The following LHFPL3 variants were observed in gnomAD, a reference collection of about 807,000 sequenced individuals.
LHFPL3 encodes LHFPL tetraspan subfamily member 3, also known as LHFPL tetraspan subfamily member 3 protein.
LHFPL3 carries 5 observed loss-of-function variants against 19.3 expected under a neutral mutation model. The ratio of observed to expected loss-of-function variants is 0.26; its 90% CI spans 0.14 to 0.54. The LOEUF is 0.54. Ranked by LOEUF, LHFPL3 falls within the 20% of genes least tolerant of loss-of-function variation. The pLI, the probability that LHFPL3 is intolerant of heterozygous loss-of-function variation, is 0.94. For synonymous variants in LHFPL3, 133 were observed against 126.2 expected (o/e 1.05, Z -0.36); for missense variants, 249 against 307.4 (o/e 0.81, Z 1.42).
At chr7:104,789,293 A>C (rs1364052241) in intron 2 of LHFPL3, among the ~76,000 whole-genome samples, 1 of 151,888 alleles carries the variant, frequency 6.6e-6, no homozygotes, top group East Asian at 1.9e-4. Context: ...TGATAAGTAC[A>C]TGGTGTTCTT....
At chr7:104,756,952 T>C (rs979975918) in intron 2 of LHFPL3, among the ~76,000 whole-genome samples, 8 of 152,234 alleles carry the variant, frequency 5.3e-5, no homozygotes, top group African/African-American at 1.9e-4. Flanking sequence ...GTGCCTTTAA[T>C]ATTTTTTAAA....
intron 2 of LHFPL3, among the ~76,000 whole-genome samples, chr7:104,753,737 T>G (rs1794222105): frequency 6.6e-6 from 1 of 151,856 alleles, no homozygotes; most frequent in Non-Finnish European, 1.5e-5. Flanking sequence ...AATGAGCAGA[T>G]TATGAATAGG....
chr7:104,811,328 G>A (rs1427617175), intron 2 of LHFPL3, among the ~76,000 whole-genome samples: 1 of 152,048 alleles, frequency 6.6e-6, no homozygotes, highest in Non-Finnish European at 1.5e-5. Flanking sequence ...CCTAGTAGCT[G>A]GAACTACAGG....
chr7:104,734,815 T>G (rs1209146752), intron 1 of LHFPL3, among the ~76,000 whole-genome samples: 1 of 152,212 alleles, frequency 6.6e-6, no homozygotes, highest in Non-Finnish European at 1.5e-5. Context: ...AATTTTCAGT[T>G]TTTCTGTTCT....
intron 1 of LHFPL3, chr7:104,668,052 A>C: frequency 3.1e-6 from 5 of 1,613,778 alleles, no homozygotes; most frequent in Non-Finnish European, 4.2e-6. Flanking sequence ...TTTTCTAGGA[A>C]ACCTACCCTA....
intron 1 of LHFPL3, among the ~76,000 whole-genome samples, chr7:104,601,384 A>G (rs1217364212): frequency 6.6e-6 from 1 of 152,204 alleles, no homozygotes; most frequent in Non-Finnish European, 1.5e-5. Context: ...ACCTCCATGT[A>G]CCAAATGTGT....
intron 1 of LHFPL3, among the ~76,000 whole-genome samples, chr7:104,356,501 A>G (rs1009783944): frequency 1.5e-4 from 23 of 152,328 alleles, no homozygotes; most frequent in African/African-American, 4.8e-4. Flanking sequence ...CATGGCAGCT[A>G]CAGGGTGCAA....
At position 104,547,841 on chromosome 7, in the gene LHFPL3, G is replaced by A. The variant is rs76726834; in HGVS notation, c.446-188834G>A. Among the ~76,000 whole-genome samples, 605 of 152,214 alleles carry A rather than the reference G, an allele frequency of 4.0e-3. 3 individuals carry two copies. Among genetic ancestry groups the A allele is most frequent in the African/African-American group, 0.014 (571 of 41,544 alleles). On this transcript the variant is annotated intron_variant, in intron 1 of 2. Coordinates refer to ENST00000424859, the MANE Select transcript of LHFPL3 (RefSeq NM_199000.3). ...TTTGGCCATTCCCACCTCAGTTTTC[G>A]TTTACATCAAATGTGTCTAGTGAAA...
chr7:104,337,036 T>C (rs1789823720), intron 1 of LHFPL3, among the ~76,000 whole-genome samples: 1 of 152,224 alleles, frequency 6.6e-6, no homozygotes, highest in Non-Finnish European at 1.5e-5. Flanking sequence ...TTTTAAGTGT[T>C]TGTAGACTCC....
intron 1 of LHFPL3, among the ~76,000 whole-genome samples, chr7:104,590,678 C>G (rs993161319): frequency 5.9e-5 from 9 of 152,174 alleles, no homozygotes; most frequent in African/African-American, 2.2e-4. Context: ...TGTTAACTTT[C>G]TGTCTCATTG....
At chr7:104,840,978 C>T (rs961493213) in intron 2 of LHFPL3, among the ~76,000 whole-genome samples, 3 of 152,000 alleles carry the variant, frequency 2.0e-5, no homozygotes, top group Non-Finnish European at 4.4e-5. Context: ...AGTTGAGCCG[C>T]CATGATGAGT....
chr7:104,867,566 T>A (rs1791751204), intron 2 of LHFPL3, among the ~76,000 whole-genome samples: 1 of 152,112 alleles, frequency 6.6e-6, no homozygotes, highest in African/African-American at 2.4e-5. Context: ...TAACAGACTC[T>A]GAAATTGAGG....
chr7:104,873,585 G>A (rs1406000116), intron 2 of LHFPL3, among the ~76,000 whole-genome samples: 1 of 152,178 alleles, frequency 6.6e-6, no homozygotes, highest in Non-Finnish European at 1.5e-5. Context: ...CTACGATCAC[G>A]TCGCTGCACT....
chr7:104,787,581 T>C (rs1028957523), intron 2 of LHFPL3, among the ~76,000 whole-genome samples: 3 of 152,218 alleles, frequency 2.0e-5, no homozygotes, highest in African/African-American at 4.8e-5. Context: ...GACAAGGTCT[T>C]GCTTTGTAAC....
intron 1 of LHFPL3, among the ~76,000 whole-genome samples, chr7:104,544,862 G>T (rs965013131): frequency 1.3e-5 from 2 of 152,166 alleles, no homozygotes; most frequent in Admixed American, 6.5e-5. Context: ...TGACCCCGGA[G>T]AAACAAAGAA....
At chr7:104,466,733 A>G (rs1792794111) in intron 1 of LHFPL3, among the ~76,000 whole-genome samples, 17 of 152,224 alleles carry the variant, frequency 1.1e-4, no homozygotes, top group Admixed American at 1.1e-3. Context: ...ATCCCTGCCT[A>G]TGGATTAAAA....
chr7:104,684,143 T>A lies in LHFPL3; in HGVS notation c.446-52532T>A, dbSNP rs553914692. Among the ~76,000 whole-genome samples the A allele has an allele frequency of 2.0e-5, 3 of 152,352 alleles. No homozygotes were observed. The South Asian group carries it at 6.2e-4, about 32-fold the overall frequency. ...TCATTTCTCTTATTGTTAGATTAGTTCAGGGATTTTCAAAGTCTGGTCCCT... is the reference window on the plus strand; with the variant it reads ...TCATTTCTCTTATTGTTAGATTAGTACAGGGATTTTCAAAGTCTGGTCCCT... On this transcript the variant is annotated intron_variant, in intron 1 of 2. Transcript: ENST00000424859.
chr7:104,800,659 C>A (rs2116473746), intron 2 of LHFPL3, among the ~76,000 whole-genome samples: 1 of 152,242 alleles, frequency 6.6e-6, no homozygotes, highest in Admixed American at 6.5e-5. Context: ...CAAACGTTTG[C>A]CACCTCCTAC....
chr7:104,532,534 C>T (rs903029265), intron 1 of LHFPL3, among the ~76,000 whole-genome samples: 6 of 152,048 alleles, frequency 3.9e-5, no homozygotes, highest in Admixed American at 3.3e-4. Context: ...ATAGACTTCT[C>T]TTTCTTCTCC....
Sources: gnomAD v4.1 joint callset for allele counts (sites outside exome capture counted in the v4.1 genomes callset) on GRCh38, gnomAD v4.1.1 for gene constraint, MANE v1.5 for transcripts, NCBI Gene and HGNC (gene_info 2026-07-23, HGNC 2026-07-21) for gene names.